Variants in SLCO3A1 observed in about 807,000 individuals in gnomAD.
SLCO3A1 encodes PGE1 transporter.
In SLCO3A1, 27 loss-of-function variants were observed where a neutral mutation model predicts 63.1. That is an observed-to-expected ratio of 0.43 (90% CI 0.32 to 0.59). The LOEUF (loss-of-function observed/expected upper bound fraction) is 0.59. Among genes scored for constraint, SLCO3A1 ranks in the 20% least tolerant of loss-of-function variants. The pLI is 0.09. For synonymous variants in SLCO3A1, 473 were observed against 409.9 expected (o/e 1.15, Z -1.86); for missense variants, 773 against 945.8 (o/e 0.82, Z 2.40).
chr15:92,142,601 G>A (rs7495740), intron 7 of SLCO3A1, among the ~76,000 whole-genome samples: 122,168 of 152,162 alleles, frequency 0.8, 49,287 homozygotes, highest in East Asian at 0.89. Context: ...AAGGGACACC[G>A]AACATTCAAA....
At position 92,146,493 on chromosome 15, in the gene SLCO3A1, G is replaced by A. The variant is rs1347827744; in HGVS notation, c.1513-491G>A. Among the ~76,000 whole-genome samples the A allele has an allele frequency of 4.6e-5, 7 of 152,220 alleles. No individual in the cohort carries two copies. In the East Asian group the frequency reaches 9.6e-4, roughly 21 times the overall value. On this transcript the variant is annotated intron_variant, in intron 7 of 9. Transcript: ENST00000318445. The stretch of plus-strand genomic sequence containing the variant: ...AGCCTTGCAGACGCGGTGACTTCAC[G>A]CGTGACAGCGTGCAGCCTTTGTTCC...
rs2048482227 is a variant in SLCO3A1 at position 92,165,041 on chromosome 15, A to C, written c.*1906A>C. The C allele has an allele frequency of 1.0e-6, 1 of 985,296 alleles. No homozygotes were observed. The highest frequency in any genetic ancestry group is 1.7e-5 in the African/African-American group (1 of 57,252). 61.0% of individuals were successfully genotyped at this position (985,296 alleles called of 1,614,324 possible). On this transcript the variant is annotated 3_prime_UTR_variant, in exon 10 of 10. Transcript: ENST00000318445. ...AGGCAAACAAAAGAATCAGGAAGTA[A>C]AAAATGGTTGGGAGTGGGACAGGTA...
At chr15:92,162,453 G>A in intron 9 of SLCO3A1, 1 of 301,418 alleles carries the variant, frequency 3.3e-6, no homozygotes, top group South Asian at 6.3e-5. Context: ...CCAGACTGAT[G>A]CTTTCTATGT....
downstream of SLCO3A1, among the ~76,000 whole-genome samples, chr15:92,167,321 T>C (rs1029502627): frequency 6.6e-6 from 1 of 152,158 alleles, no homozygotes; most frequent in Non-Finnish European, 1.5e-5. Flanking sequence ...TCAACCATGA[T>C]CCATGTTTCC....
At chr15:92,092,841 T>C (rs1237320167) in intron 2 of SLCO3A1, among the ~76,000 whole-genome samples, 1 of 152,168 alleles carries the variant, frequency 6.6e-6, no homozygotes, top group Admixed American at 6.5e-5. Flanking sequence ...GCTGATCATG[T>C]GAACGTCACT....
At chr15:92,021,588 G>A (rs747009410) in intron 2 of SLCO3A1, among the ~76,000 whole-genome samples, 24 of 152,070 alleles carry the variant, frequency 1.6e-4, no homozygotes, top group Admixed American at 1.3e-4. Flanking sequence ...GCAAGTAGGC[G>A]AAGGTCATAG....
At chr15:92,031,038 G>C (rs1447298441) in intron 2 of SLCO3A1, among the ~76,000 whole-genome samples, 2 of 150,572 alleles carry the variant, frequency 1.3e-5, no homozygotes, top group East Asian at 2.0e-4. Flanking sequence ...GAGGGAGGGA[G>C]GGAGGGAAGG....
chr15:92,096,848 C>T (rs1377103281), intron 3 of SLCO3A1, among the ~76,000 whole-genome samples: 1 of 152,024 alleles, frequency 6.6e-6, no homozygotes, highest in Non-Finnish European at 1.5e-5. Context: ...TGAGTCTGTT[C>T]CGAAGGTGAT....
chr15:92,008,398 A>G (rs568353579), intron 2 of SLCO3A1, among the ~76,000 whole-genome samples: 178 of 152,330 alleles, frequency 1.2e-3, no homozygotes, highest in Non-Finnish European at 1.9e-3. Flanking sequence ...CCCTGCTGTA[A>G]AAACAGAATC....
chr15:92,009,146 G>A (rs1230919938), intron 2 of SLCO3A1, among the ~76,000 whole-genome samples: 1 of 152,200 alleles, frequency 6.6e-6, no homozygotes, highest in East Asian at 1.9e-4. Context: ...GCTGCATGCT[G>A]TCCCAAATGT....
chr15:92,121,146 T>C (rs2047858528), intron 5 of SLCO3A1, among the ~76,000 whole-genome samples: 1 of 152,214 alleles, frequency 6.6e-6, no homozygotes, highest in South Asian at 2.1e-4. Flanking sequence ...ACTACAGGTT[T>C]CTACTCCCAA....
chr15:92,101,777 A>G lies in SLCO3A1; in HGVS notation c.746-2502A>G, dbSNP rs918966105. Among the ~76,000 whole-genome samples, 7 of 152,154 alleles carry G rather than the reference A, an allele frequency of 4.6e-5. 1 individual carries two copies. The highest frequency in any genetic ancestry group is 3.9e-4 in the Admixed American group (6 of 15,270). ...TTGGATCTACAGAATCCTGCTGTCCACCACCTTCACGCAGGCCCCGTCTCC... is the reference window on the plus strand; with the variant it reads ...TTGGATCTACAGAATCCTGCTGTCCGCCACCTTCACGCAGGCCCCGTCTCC... On this transcript the variant is annotated intron_variant, in intron 3 of 9. Coordinates refer to ENST00000318445, the MANE Select transcript of SLCO3A1 (RefSeq NM_013272.4).
intron 2 of SLCO3A1, among the ~76,000 whole-genome samples, chr15:92,056,440 GA>G (rs2047022776): frequency 6.6e-6 from 1 of 152,242 alleles, no homozygotes; most frequent in South Asian, 2.1e-4. Context: ...ACTTCGCTTA[GA>G]AGTCCCTGCC....
At chr15:92,072,656 T>A (rs2047230624) in intron 2 of SLCO3A1, among the ~76,000 whole-genome samples, 1 of 152,128 alleles carries the variant, frequency 6.6e-6, no homozygotes, top group Admixed American at 6.5e-5. Flanking sequence ...CAGGGGAGAA[T>A]CCTTCCTTGC....
intron 2 of SLCO3A1, among the ~76,000 whole-genome samples, chr15:92,008,129 T>A (rs79486556): frequency 1.3e-5 from 2 of 152,230 alleles, no homozygotes; most frequent in Non-Finnish European, 2.9e-5. Flanking sequence ...AATGACCCAC[T>A]AGCAAAACTG....
intron 2 of SLCO3A1, among the ~76,000 whole-genome samples, chr15:92,083,875 A>G (rs1225189793): frequency 6.6e-6 from 1 of 152,180 alleles, no homozygotes; most frequent in East Asian, 1.9e-4. Flanking sequence ...CGAGGTGGGT[A>G]CTGTTAACCT....
At chr15:92,129,881 G>A (rs1264324026) in intron 7 of SLCO3A1, among the ~76,000 whole-genome samples, 2 of 151,870 alleles carry the variant, frequency 1.3e-5, no homozygotes, top group Non-Finnish European at 2.9e-5. Context: ...CATGGGGGGT[G>A]GGTGGGAGAA....
chr15:91,871,765 G>GTTTTTTTTTTTTTTTT (rs33938693), intron 1 of SLCO3A1, among the ~76,000 whole-genome samples: 1 of 45,688 alleles, frequency 2.2e-5, no homozygotes, highest in African/African-American at 9.1e-5. Context: ...TTTTTTTTTG[G>GTTTTTTTTTTTTTTTT]TTTTTTTTTT....
intron 2 of SLCO3A1, among the ~76,000 whole-genome samples, chr15:91,936,280 A>G (rs74028379): frequency 2.0e-5 from 3 of 152,226 alleles, no homozygotes; most frequent in Admixed American, 6.5e-5. Flanking sequence ...GATTTAAGCT[A>G]TAGGAGGTTT....
Sources: gnomAD v4.1 joint callset for allele counts (sites outside exome capture counted in the v4.1 genomes callset) on GRCh38, gnomAD v4.1.1 for gene constraint, MANE v1.5 for transcripts, NCBI Gene and HGNC (gene_info 2026-07-23, HGNC 2026-07-21) for gene names.